MYRFL: variants seen among roughly 807,000 people sequenced by gnomAD.
The protein encoded by MYRFL is myelin regulatory factor like.
MYRFL carries 88 observed loss-of-function variants against 109.4 expected under a neutral mutation model. That is an observed-to-expected ratio of 0.80 (90% CI 0.68 to 0.96). The LOEUF is 0.96. Ranked by LOEUF, MYRFL falls within the 40% of genes least tolerant of loss-of-function variation. The pLI is 0.00. For missense variants in MYRFL, 957 were observed against 954.9 expected (o/e 1.00, Z -0.03); for synonymous variants, 324 against 320.9 (o/e 1.01, Z -0.10).
chr12:69,899,955 A>G (rs182315581), intron 10 of MYRFL, among the ~76,000 whole-genome samples: 113 of 152,292 alleles, frequency 7.4e-4, no homozygotes, highest in Non-Finnish European at 7.4e-5. Context: ...CCCCTTGTTA[A>G]TGACTGGGCT....
intron 2 of MYRFL, among the ~76,000 whole-genome samples, chr12:69,867,710 G>A (rs150695181): frequency 3.5e-4 from 53 of 152,312 alleles, no homozygotes; most frequent in African/African-American, 1.2e-3. Flanking sequence ...GCATGTCTTG[G>A]TTCTGCCATC....
At chr12:69,952,945 T>TAAA in intron 21 of MYRFL, 59 bp downstream of exon 21, 1 of 1,142,614 alleles carries the variant, frequency 8.8e-7, no homozygotes, top group Non-Finnish European at 1.2e-6. Context: ...TGGCTCTGGG[T>TAAA]TTTTAAGACT....
intron 1 of MYRFL, among the ~76,000 whole-genome samples, chr12:69,830,299 G>A (rs1045994910): frequency 1.3e-5 from 2 of 151,164 alleles, no homozygotes; most frequent in Admixed American, 1.3e-4. Flanking sequence ...ATAATATATA[G>A]AGAGATAATG....
At chr12:69,866,685 C>A (rs921524529) in intron 2 of MYRFL, among the ~76,000 whole-genome samples, 1 of 152,100 alleles carries the variant, frequency 6.6e-6, no homozygotes, top group Non-Finnish European at 1.5e-5. Context: ...CCTAAGAGAC[C>A]ACTGGGCTGC....
At chr12:69,900,772 C>G (rs1198718254) in intron 10 of MYRFL, among the ~76,000 whole-genome samples, 1 of 152,204 alleles carries the variant, frequency 6.6e-6, no homozygotes, top group African/African-American at 2.4e-5. Flanking sequence ...CTTCAAATTG[C>G]TGCTGATGCT....
chr12:69,938,151 A>G (rs1183397166), intron 19 of MYRFL, among the ~76,000 whole-genome samples: 1 of 152,100 alleles, frequency 6.6e-6, no homozygotes, highest in Non-Finnish European at 1.5e-5. Context: ...CATTTCAGTC[A>G]TCTTATTCTC....
intron 10 of MYRFL, among the ~76,000 whole-genome samples, chr12:69,901,903 A>ATTTTTTTTTT (rs1203678206): frequency 1.5e-5 from 2 of 137,578 alleles, no homozygotes; most frequent in African/African-American, 2.8e-5. Flanking sequence ...GTTTTTTTTA[A>ATTTTTTTTTT]ATTTTCTTGA....
intron 22 of MYRFL, 126 bp from the exon 23 acceptor site, chr12:69,957,696 C>A: frequency 1.7e-6 from 2 of 1,161,364 alleles, no homozygotes; most frequent in Non-Finnish European, 2.3e-6. Context: ...GATACAATGC[C>A]TATTGTGAAC....
chr12:69,879,873 G>A (rs1016102231), intron 4 of MYRFL, among the ~76,000 whole-genome samples: 2 of 152,178 alleles, frequency 1.3e-5, no homozygotes, highest in Non-Finnish European at 2.9e-5. Context: ...GAGAGTGCCA[G>A]AAAGAGTAAA....
At chr12:69,933,788 A>G (rs1248707930) in intron 16 of MYRFL, among the ~76,000 whole-genome samples, 3 of 152,128 alleles carry the variant, frequency 2.0e-5, no homozygotes, top group African/African-American at 7.2e-5. Context: ...AGTATTCTCT[A>G]GAGACACAGA....
chr12:69,903,893 G>A, intron 11 of MYRFL, 49 bp downstream of exon 11: 1 of 1,458,954 alleles, frequency 6.9e-7, no homozygotes, highest in Non-Finnish European at 9.1e-7. Flanking sequence ...CCCCAGTCAG[G>A]TTTGCTGGGT....
At chr12:69,834,348 A>G (rs889040177) in intron 1 of MYRFL, among the ~76,000 whole-genome samples, 3 of 152,208 alleles carry the variant, frequency 2.0e-5, no homozygotes, top group African/African-American at 4.8e-5. Flanking sequence ...TAAAGCTACC[A>G]ATAGCTCAAC....
At position 69,924,418 on chromosome 12, in the gene MYRFL, C is replaced by T. The variant is rs570360293; in HGVS notation, c.1603-2153C>T. 2.6e-5 allele frequency among the ~76,000 whole-genome samples: 4 copies of T among 152,102 alleles called. No individual in the cohort carries two copies. In the South Asian group the frequency reaches 8.3e-4, roughly 32 times the overall value. On this transcript the variant is annotated intron_variant, in intron 13 of 24. Transcript: ENST00000552032. Reference sequence around the variant, plus strand: ...TTCTTCTTATACTACAGACTTTGCTCCATAACAGTATATAGAGATATTCTT... The same window carrying T: ...TTCTTCTTATACTACAGACTTTGCTTCATAACAGTATATAGAGATATTCTT...
chr12:69,865,317 G>A (rs564078762), intron 2 of MYRFL, among the ~76,000 whole-genome samples: 2 of 152,302 alleles, frequency 1.3e-5, no homozygotes, highest in Middle Eastern at 3.4e-3. Flanking sequence ...TAGACTGAGG[G>A]AGGAAACCCA....
chr12:69,892,058 T>C (rs1446776800), intron 7 of MYRFL, among the ~76,000 whole-genome samples: 1 of 152,230 alleles, frequency 6.6e-6, no homozygotes, highest in East Asian at 1.9e-4. Flanking sequence ...CAGTGAATAC[T>C]CTTGCAATTC....
chr12:69,872,263 A>G (rs1335762806), intron 2 of MYRFL, among the ~76,000 whole-genome samples: 6 of 152,138 alleles, frequency 3.9e-5, no homozygotes, highest in Non-Finnish European at 1.5e-5. Context: ...GTGTCTTTAT[A>G]TTTCAAGTGT....
rs1041737193 is a variant in MYRFL, at chr12:69,890,906, C to T, written c.708-65C>T. On this transcript the variant is annotated intron_variant, in intron 6 of 24. Transcript: ENST00000552032. ...TCTTGAAATGTTTATACAACTAATACTGTTAATGAAAATAAATATATGGAA... is the reference window on the plus strand; with the variant it reads ...TCTTGAAATGTTTATACAACTAATATTGTTAATGAAAATAAATATATGGAA... The T allele has an allele frequency of 3.2e-5, 40 of 1,256,002 alleles. 1 individual carries two copies. In the East Asian group the frequency reaches 3.4e-4, roughly 11 times the overall value. The allele number at this position is 1,256,002 out of a possible 1,614,324, so 77.8% of individuals were successfully genotyped here. A position where few individuals can be genotyped will look rare whatever the true frequency, so the allele number is the denominator to read the frequency against.
At chr12:69,914,895 T>C (rs61928026) in intron 13 of MYRFL, among the ~76,000 whole-genome samples, 24,551 of 152,164 alleles carry the variant, frequency 0.16, 2,307 homozygotes, top group Non-Finnish European at 0.22. Context: ...TCTATGGAGA[T>C]GTCACTAAGG....
At chr12:69,838,636 T>A (rs1666555087) in intron 1 of MYRFL, among the ~76,000 whole-genome samples, 1 of 152,212 alleles carries the variant, frequency 6.6e-6, no homozygotes, top group African/African-American at 2.4e-5. Flanking sequence ...ATATTAACAT[T>A]AATGTGTGTT....
Sources: allele counts gnomAD v4.1 joint callset (sites outside exome capture counted in the v4.1 genomes callset), GRCh38; gene constraint gnomAD v4.1.1; transcripts MANE v1.5; gene names NCBI Gene and HGNC (gene_info 2026-07-23, HGNC 2026-07-21).